Variants in ASXL2 observed in about 807,000 individuals in gnomAD.
ASXL2 encodes putative Polycomb group protein ASXL2.
ASXL2 carries 23 observed loss-of-function variants against 122.0 expected under a neutral mutation model. The observed-to-expected ratio is 0.19, with a 90% confidence interval of 0.14 to 0.27. ASXL2 has a LOEUF of 0.27. ASXL2 is among the 10% of genes least tolerant of loss of function. The pLI is 1.00. For missense variants in ASXL2, 1,518 were observed against 1,713.8 expected (o/e 0.89, Z 2.02); for synonymous variants, 650 against 637.0 (o/e 1.02, Z -0.31).
At chr2:25,793,679 C>G (rs1171546448) in intron 5 of ASXL2, among the ~76,000 whole-genome samples, 1 of 152,144 alleles carries the variant, frequency 6.6e-6, no homozygotes, top group Non-Finnish European at 1.5e-5. Flanking sequence ...TCTTTAGAAA[C>G]AGTTATGTTT....
rs752798191 is a variant in ASXL2, at chr2:25,743,798, C to T, written c.2539G>A (p.Val847Ile). 8.1e-6 allele frequency: 13 copies of T among 1,613,894 alleles called. No homozygotes were observed. In the Admixed American group the frequency reaches 2.2e-4, roughly 27 times the overall value. ...GPALISGASP[V>I]HCAADGTVEL... The stretch of plus-strand genomic sequence containing the variant: ...ACTGTGCCATCAGCTGCACAATGAA[C>T]AGGTGAGGCACCTGAGATTAGAGCA... Residue 847 changes from valine to isoleucine, a missense_variant, in exon 13 of 13, where the codon GTT becomes ATT. Coordinates refer to ENST00000435504, the MANE Select transcript of ASXL2 (RefSeq NM_018263.6).
At chr2:25,860,352 C>T (rs1256947775) in intron 1 of ASXL2, among the ~76,000 whole-genome samples, 1 of 151,710 alleles carries the variant, frequency 6.6e-6, no homozygotes, top group Non-Finnish European at 1.5e-5. Flanking sequence ...ATATATATAA[C>T]ATCAAAGCTT....
chr2:25,851,260 TTC>T (rs937827880), intron 1 of ASXL2, among the ~76,000 whole-genome samples: 1 of 152,222 alleles, frequency 6.6e-6, no homozygotes, highest in Admixed American at 6.5e-5. Context: ...GTGATTTGAT[TTC>T]TGTTTCAAAT....
intron 2 of ASXL2, among the ~76,000 whole-genome samples, chr2:25,842,487 A>G (rs1426388233): frequency 6.6e-6 from 1 of 151,928 alleles, no homozygotes; most frequent in Non-Finnish European, 1.5e-5. Context: ...TTTATTTACT[A>G]TTCCTGCTTG....
chr2:25,812,117 A>G (rs2089177726), intron 3 of ASXL2, among the ~76,000 whole-genome samples: 1 of 151,026 alleles, frequency 6.6e-6, no homozygotes, highest in South Asian at 2.1e-4. Flanking sequence ...TGTACATGGG[A>G]CCCTAGGTAC....
rs1394754340 is a variant in ASXL2, at chr2:25,756,393, TG to T, written c.940-280del. 3.5e-5 allele frequency among the ~76,000 whole-genome samples: 5 copies of T among 142,962 alleles called. No individual in the cohort carries two copies. The East Asian group carries it at 1.0e-3, about 29-fold the overall frequency. 93.8% of individuals were successfully genotyped at this position (142,962 alleles called of 152,430 possible). ...ACTCACAGAACCACACATATAGTGC[TG>T]GAACAACTGGCTATCCACCCAGTAG... is the stretch of plus-strand genomic sequence containing the variant. On this transcript the variant is annotated intron_variant, in intron 9 of 12. Coordinates refer to ENST00000435504, the MANE Select transcript of ASXL2 (RefSeq NM_018263.6).
At chr2:25,767,892 T>C (rs2088381479) in intron 7 of ASXL2, among the ~76,000 whole-genome samples, 166 bp from the exon 8 acceptor site, 1 of 152,250 alleles carries the variant, frequency 6.6e-6, no homozygotes, top group African/African-American at 2.4e-5. Flanking sequence ...AATAAAACCC[T>C]GTTTTTCCTC....
chr2:25,774,839 C>T (rs574983094), intron 5 of ASXL2, among the ~76,000 whole-genome samples: 67 of 152,312 alleles, frequency 4.4e-4, no homozygotes, highest in African/African-American at 1.5e-3. Context: ...TACATCCTTG[C>T]CAACACTTGG....
intron 5 of ASXL2, among the ~76,000 whole-genome samples, chr2:25,786,398 G>A (rs1397945884): frequency 4.0e-5 from 6 of 151,778 alleles, no homozygotes; most frequent in Non-Finnish European, 7.4e-5. Flanking sequence ...ATGCCACCAC[G>A]CCCGGCTAAT....
intron 3 of ASXL2, among the ~76,000 whole-genome samples, chr2:25,827,276 C>G (rs1406238233): frequency 1.3e-5 from 2 of 152,124 alleles, no homozygotes; most frequent in Non-Finnish European, 2.9e-5. Context: ...AAATTTAATA[C>G]TACATAACTT....
chr2:25,756,465 G>GAAAAAAAAAGAAAAAAAAAAAAA (rs2088136770), intron 9 of ASXL2, among the ~76,000 whole-genome samples: 4 of 91,418 alleles, frequency 4.4e-5, no homozygotes, highest in African/African-American at 7.7e-5. Context: ...AAAAAAAAAA[G>GAAAAAAAAAGAAAAAAAAAAAAA]AAAAAAAAAA....
At chr2:25,762,521 C>T (rs756433839) in intron 8 of ASXL2, among the ~76,000 whole-genome samples, 1 of 151,244 alleles carries the variant, frequency 6.6e-6, no homozygotes, top group South Asian at 2.1e-4. Context: ...AAAAATTAGC[C>T]GGGCGTGGTG....
chr2:25,734,828 G>C lies in ASXL2; in HGVS notation c.*7201C>G, dbSNP rs1343195744. 1 of 152,046 alleles carries C rather than the reference G, an allele frequency of 6.6e-6. No homozygotes were observed. Among genetic ancestry groups the C allele is most frequent in the Non-Finnish European group, 1.5e-5 (1 of 67,992 alleles). 9.4% of individuals were successfully genotyped at this position (152,046 alleles called of 1,614,324 possible). A position where few individuals can be genotyped will look rare whatever the true frequency, so the allele number is the denominator to read the frequency against. On this transcript the variant is annotated 3_prime_UTR_variant, in exon 13 of 13. Transcript: ENST00000435504. ...ACAGAATGTCTCAAATCAAACTCCA[G>C]GTTACATTCATGGCAATTCAACATT...
intron 4 of ASXL2, among the ~76,000 whole-genome samples, chr2:25,802,317 C>T (rs576105804): frequency 6.6e-6 from 1 of 152,322 alleles, no homozygotes; most frequent in Admixed American, 6.5e-5. Context: ...GCTTCAAGAG[C>T]TCAGGGGCCA....
intron 3 of ASXL2, among the ~76,000 whole-genome samples, chr2:25,821,504 C>G (rs944167541): frequency 1.3e-5 from 2 of 152,218 alleles, no homozygotes; most frequent in South Asian, 2.1e-4. Context: ...TGGCTCACGC[C>G]TATAATCCCA....
At chr2:25,774,598 C>A (rs2088516017) in intron 5 of ASXL2, among the ~76,000 whole-genome samples, 1 of 152,188 alleles carries the variant, frequency 6.6e-6, no homozygotes, top group African/African-American at 2.4e-5. Context: ...AAATATCACA[C>A]AATTATTCCA....
At chr2:25,851,551 G>A (rs983012310) in intron 1 of ASXL2, among the ~76,000 whole-genome samples, 3 of 152,080 alleles carry the variant, frequency 2.0e-5, no homozygotes, top group African/African-American at 7.2e-5. Flanking sequence ...GTAACTGACT[G>A]GTCTTTTCTA....
chr2:25,744,252 T>A lies in ASXL2; in HGVS notation c.2085A>T (p.Pro695=). 6.2e-7 allele frequency: 1 copy of A among 1,613,978 alleles called. No individual in the cohort carries two copies. Among genetic ancestry groups the A allele is most frequent in the Non-Finnish European group, 8.5e-7 (1 of 1,179,882 alleles). ...CCTCTCCTGGACCTTGTCCACCCCC[T>A]GGGCCAGGTCCTGGAATGGTCCCTC... ...SVGGTIPGPG[P]GGGQGPGEGG... is the part of the protein sequence containing the mutation. Residue 695 remains proline, a synonymous_variant, in exon 13 of 13, where the codon CCA becomes CCT. Coordinates refer to ENST00000435504, the MANE Select transcript of ASXL2 (RefSeq NM_018263.6). This position sits in a 1 kb window ranked among gnomAD's most constrained non-coding sequence, Gnocchi z 4.7.
At chr2:25,812,504 T>C (rs113572061) in intron 3 of ASXL2, among the ~76,000 whole-genome samples, 14 of 152,128 alleles carry the variant, frequency 9.2e-5, no homozygotes, top group Non-Finnish European at 1.8e-4. Context: ...ATAAAATCCA[T>C]TGCTGACAAG....
Sources: allele counts gnomAD v4.1 joint callset (sites outside exome capture counted in the v4.1 genomes callset), GRCh38; gene constraint gnomAD v4.1.1; non-coding constraint Gnocchi (gnomAD v3.1); transcripts MANE v1.5; gene names NCBI Gene and HGNC (gene_info 2026-07-23, HGNC 2026-07-21).